PPHLN1: variants seen among roughly 807,000 people sequenced by gnomAD.
PPHLN1 encodes periphilin-1.
PPHLN1 carries 29 observed loss-of-function variants against 51.3 expected under a neutral mutation model. The observed-to-expected ratio is 0.57, with a 90% CI of 0.42 to 0.77. PPHLN1 has a LOEUF of 0.77. Ranked by LOEUF, PPHLN1 falls within the 30% of genes least tolerant of loss-of-function variation. PPHLN1 has a pLI of 0.00. For synonymous variants in PPHLN1, 147 were observed against 147.8 expected (o/e 0.99, Z 0.04); for missense variants, 436 against 438.4 (o/e 0.99, Z 0.05).
intron 1 of PPHLN1, among the ~76,000 whole-genome samples, chr12:42,334,526 A>G (rs2070297694): frequency 6.6e-6 from 1 of 152,184 alleles, no homozygotes; most frequent in African/African-American, 2.4e-5. Context: ...TTAGAATTCT[A>G]TAGCTGTTCT....
intron 9 of PPHLN1, among the ~76,000 whole-genome samples, chr12:42,412,295 G>C (rs2079941080): frequency 6.6e-6 from 1 of 151,998 alleles, no homozygotes; most frequent in Non-Finnish European, 1.5e-5. Flanking sequence ...CACTCTGTCT[G>C]CCTTCGCATA....
chr12:42,342,251 ATTCATTCG>A (rs887823344), intron 2 of PPHLN1, among the ~76,000 whole-genome samples: 2 of 152,082 alleles, frequency 1.3e-5, no homozygotes, highest in African/African-American at 4.8e-5. Context: ...TCATTCATTC[ATTCATTCG>A]TTCATATGTA....
In PPHLN1 at chr12:42,377,014, C is replaced by T. The variant is rs1420878737; in HGVS notation, c.511+1940C>T. Among the ~76,000 whole-genome samples the T allele has an allele frequency of 3.3e-5, 5 of 152,084 alleles. No homozygotes were observed. The South Asian group carries it at 1.0e-3, about 32-fold the overall frequency. ...CTGTAAGCCAAGCTTGTCCAACCCC[C>T]GTCCTGCAGGCCGCGTGCAGCCCAG... On this transcript the variant is annotated intron_variant, in intron 5 of 9. Coordinates refer to ENST00000358314, the MANE Select transcript of PPHLN1 (RefSeq NM_201439.2).
intron 8 of PPHLN1, among the ~76,000 whole-genome samples, chr12:42,396,670 G>T (rs929126657): frequency 7.5e-6 from 1 of 133,606 alleles, no homozygotes; most frequent in Non-Finnish European, 1.5e-5. Flanking sequence ...TGGCCGCTTA[G>T]TCCCAGCTAC....
chr12:42,383,739 G>A (rs984541163), intron 5 of PPHLN1, among the ~76,000 whole-genome samples: 2 of 152,134 alleles, frequency 1.3e-5, no homozygotes, highest in African/African-American at 4.8e-5. Context: ...CCAGCACTTT[G>A]GGAGACTGAG....
intron 9 of PPHLN1, among the ~76,000 whole-genome samples, chr12:42,407,825 G>A (rs2139455057): frequency 6.6e-6 from 1 of 152,190 alleles, no homozygotes; most frequent in East Asian, 1.9e-4. Flanking sequence ...GTTGTTTAGG[G>A]AATAATGAAA....
intron 5 of PPHLN1, among the ~76,000 whole-genome samples, chr12:42,381,052 A>G (rs1282940690): frequency 6.6e-6 from 1 of 152,182 alleles, no homozygotes; most frequent in Non-Finnish European, 1.5e-5. Context: ...ATGCTAGTGG[A>G]GAAGGTTTAT....
At chr12:42,342,917 T>C (rs759721369) in intron 2 of PPHLN1, among the ~76,000 whole-genome samples, 13 of 152,372 alleles carry the variant, frequency 8.5e-5, no homozygotes, top group South Asian at 2.1e-4. Flanking sequence ...ATCTTTTTTA[T>C]AATTCTTGTC....
At chr12:42,398,516 G>GTCTT (rs1262879252) in intron 8 of PPHLN1, 2 of 184,730 alleles carry the variant, frequency 1.1e-5, no homozygotes, top group African/African-American at 2.3e-5. Flanking sequence ...TAGAGGCTTT[G>GTCTT]TCTTACCTAA....
At chr12:42,340,311 C>CAAA (rs201722204) in intron 2 of PPHLN1, among the ~76,000 whole-genome samples, 1 of 77,460 alleles carries the variant, frequency 1.3e-5, no homozygotes, top group Non-Finnish European at 2.7e-5. Flanking sequence ...GATCCTGTCT[C>CAAA]AAAAAAAAAA....
At chr12:42,425,133 T>G (rs911990758) in intron 9 of PPHLN1, among the ~76,000 whole-genome samples, 5 of 152,036 alleles carry the variant, frequency 3.3e-5, no homozygotes, top group African/African-American at 1.2e-4. Flanking sequence ...CAGGCTGAAG[T>G]GCAGTGGCGC....
chr12:42,361,267 A>G (rs2074647741), intron 4 of PPHLN1: 1 of 152,298 alleles, frequency 6.6e-6, no homozygotes, highest in Non-Finnish European at 1.5e-5. Flanking sequence ...CTCACTGGAC[A>G]CCAGATCTGC....
intron 5 of PPHLN1, 35 bp from the exon 6 acceptor site, chr12:42,384,905 C>T: frequency 6.5e-7 from 1 of 1,548,056 alleles, no homozygotes; most frequent in Non-Finnish European, 8.9e-7. Context: ...CACAGAGGTG[C>T]TGCTGTTAAT....
chr12:42,426,228 A>ACACACACCCCC (rs371819974), intron 9 of PPHLN1, among the ~76,000 whole-genome samples: 30 of 129,872 alleles, frequency 2.3e-4, no homozygotes, highest in African/African-American at 9.8e-4. Flanking sequence ...ACACACACAC[A>ACACACACCCCC]CCCTCATGCA....
intron 9 of PPHLN1, among the ~76,000 whole-genome samples, chr12:42,413,526 ATGTGTGTGTGTGTGTG>A (rs71084648): frequency 0.02 from 2,709 of 136,610 alleles, 73 homozygotes; most frequent in East Asian, 0.067. Context: ...ATATATGTAT[ATGTGTGTGTGTGTGTG>A]TGTGTGTGTG....
chr12:42,368,319 A>T (rs2075472510), intron 4 of PPHLN1, among the ~76,000 whole-genome samples: 1 of 152,158 alleles, frequency 6.6e-6, no homozygotes. Context: ...TATGCGTTAT[A>T]ATAAGAATTG....
At chr12:42,415,585 G>A (rs1345505287) in intron 9 of PPHLN1, among the ~76,000 whole-genome samples, 2 of 152,180 alleles carry the variant, frequency 1.3e-5, no homozygotes, top group African/African-American at 4.8e-5. Flanking sequence ...ACATGAGCTC[G>A]AGGTAATGTC....
At chr12:42,406,908 AT>A (rs1315136828) in intron 9 of PPHLN1, among the ~76,000 whole-genome samples, 1 of 152,128 alleles carries the variant, frequency 6.6e-6, no homozygotes, top group East Asian at 1.9e-4. Context: ...AGGGATCAAA[AT>A]TTTTTTCCAC....
intron 1 of PPHLN1, chr12:42,332,850 T>G: frequency 1.9e-6 from 1 of 516,952 alleles, no homozygotes; most frequent in East Asian, 3.3e-5. Context: ...CAAAACCTTA[T>G]TTTTATTTAC....
Sources: allele counts gnomAD v4.1 joint callset (sites outside exome capture counted in the v4.1 genomes callset), GRCh38; gene constraint gnomAD v4.1.1; transcripts MANE v1.5; gene names NCBI Gene and HGNC (gene_info 2026-07-23, HGNC 2026-07-21).